The following KRT79 variants were observed in gnomAD, a reference collection of about 807,000 sequenced individuals.
KRT79 encodes keratin, type II cytoskeletal 79.
In KRT79, 51 loss-of-function variants were observed where a neutral mutation model predicts 49.0. The ratio of observed to expected loss-of-function variants is 1.04; its 90% CI spans 0.83 to 1.31. KRT79 has a LOEUF of 1.31. Ranked by LOEUF, KRT79 falls within the 40% of genes most tolerant of loss-of-function variation. The probability of loss-of-function intolerance (pLI) is 0.00; values close to 1 mark genes in which losing one functional copy is unlikely to be tolerated. For synonymous variants in KRT79, 312 were observed against 286.6 expected (o/e 1.09, Z -0.90); for missense variants, 728 against 688.0 (o/e 1.06, Z -0.65).
chr12:52,824,453 CAGG>C (rs1592316657), intron 4 of KRT79, 91 bp from the exon 5 acceptor site: 2 of 1,335,566 alleles, frequency 1.5e-6, no homozygotes, highest in East Asian at 4.8e-5. Flanking sequence ...CAGGTAGCAT[CAGG>C]AGGCCTGTGC....
rs1269395247 is a variant in KRT79 at position 52,823,096 on chromosome 12, G to A, written c.1287C>T (p.Tyr429=). 1 of 1,614,016 alleles carries A rather than the reference G, an allele frequency of 6.2e-7. No individual in the cohort carries two copies. Among genetic ancestry groups the A allele is most frequent in the East Asian group, 2.2e-5 (1 of 44,886 alleles). ...KEDLTRLLRD[Y]QELMNVKLAL... ...CCAGCTTGACATTCATCAGCTCCTG[G>A]TAGTCACGCAGCAGCCGTGTCAGGT... The change falls in exon 7 of 9, where the codon TAC becomes TAT. Residue 429 remains tyrosine (Y), a synonymous_variant. Coordinates refer to ENST00000330553, the MANE Select transcript of KRT79 (RefSeq NM_175834.3).
At position 52,824,321 on chromosome 12, in the gene KRT79, C is replaced by T; in HGVS notation, c.897G>A (p.Val299=). 6.2e-7 allele frequency: 1 copy of T among 1,614,194 alleles called. No individual in the cohort carries two copies. The highest frequency in any genetic ancestry group is 8.5e-7 in the Non-Finnish European group (1 of 1,180,044). ...TGCGGTTGTTGTCCATGGACAGCAC[C>T]ACATTGGTGTTAGACACGTGGGTCT... ...QVQTHVSNTN[V]VLSMDNNRNL... is the part of the protein sequence containing the mutation. Residue 299 remains valine (V), a synonymous_variant, in exon 5 of 9, where the codon GTG becomes GTA. Coordinates refer to ENST00000330553, the MANE Select transcript of KRT79 (RefSeq NM_175834.3).
chr12:52,830,203 G>A, intron 3 of KRT79, 29 bp downstream of exon 3: 6 of 1,613,870 alleles, frequency 3.7e-6, no homozygotes, highest in Non-Finnish European at 5.1e-6. Context: ...GCAGCCAAAG[G>A]ACCACCTCCC....
Position 52,822,086 on chromosome 12 carries a change from C to A in KRT79, c.1403-9G>T. On this transcript the variant is annotated splice_polypyrimidine_tract_variant and intron_variant, in intron 8 of 8. Coordinates refer to ENST00000330553, the MANE Select transcript of KRT79 (RefSeq NM_175834.3). ...GGAGTTGCCAGTCACAGCTGCAAAG[C>A]AAAGGGTCTGGATTAGTCAGGGCGG... 3.7e-6 allele frequency: 6 copies of A among 1,613,654 alleles called. No homozygotes were observed. Among genetic ancestry groups the A allele is most frequent in the Non-Finnish European group, 5.1e-6 (6 of 1,179,956 alleles).
In KRT79 at chr12:52,821,572, C is replaced by G. The variant is rs1418309376; in HGVS notation, c.*300G>C. ...TTTGGGGACCACTCCCAATTTCTCT[C>G]TCTCCTAATGGCTTGAGAAATTCAG... is the stretch of plus-strand genomic sequence containing the variant. On this transcript the variant is annotated 3_prime_UTR_variant, in exon 9 of 9. Coordinates refer to ENST00000330553, the MANE Select transcript of KRT79 (RefSeq NM_175834.3). 1.7e-5 allele frequency: 7 copies of G among 404,388 alleles called. No individual in the cohort carries two copies. Among genetic ancestry groups the G allele is most frequent in the Non-Finnish European group, 3.2e-5 (7 of 219,424 alleles). 25.0% of individuals were successfully genotyped at this position (404,388 alleles called of 1,614,324 possible).
chr12:52,830,487 A>G (rs1275348970), intron 2 of KRT79, 195 bp from the exon 3 acceptor site: 7 of 576,924 alleles, frequency 1.2e-5, no homozygotes, highest in African/African-American at 1.9e-5. Context: ...TCCCCACCCC[A>G]TTTTAGGGAA....
At chr12:52,828,155 A>T (rs1184102927) in intron 4 of KRT79, among the ~76,000 whole-genome samples, 1 of 152,256 alleles carries the variant, frequency 6.6e-6, no homozygotes, top group Non-Finnish European at 1.5e-5. Context: ...AAGTGGAACC[A>T]AGTGGATTTC....
rs1036700397 is a variant in KRT79, at chr12:52,831,304, C to T, written c.698+102G>A. 127 of 1,081,470 alleles carry T rather than the reference C, an allele frequency of 1.2e-4. 1 individual carries two copies. In the South Asian group the frequency reaches 1.6e-3, roughly 13 times the overall value. The allele number at this position is 1,081,470 out of a possible 1,614,324, so 67.0% of individuals were successfully genotyped here. A position where few individuals can be genotyped will look rare whatever the true frequency, so the allele number is the denominator to read the frequency against. On this transcript the variant is annotated intron_variant, in intron 2 of 8. Coordinates refer to ENST00000330553, the MANE Select transcript of KRT79 (RefSeq NM_175834.3). ...GGGAGCCAGCTCTGTCTGTGCATCC[C>T]CCAGGTGGGCCTGGGACCCTGGGAA...
chr12:52,828,789 G>A (rs1940209669), intron 4 of KRT79, among the ~76,000 whole-genome samples: 1 of 152,210 alleles, frequency 6.6e-6, no homozygotes, highest in African/African-American at 2.4e-5. Context: ...ATAGAAGTTT[G>A]TATCTGGAAC....
At chr12:52,826,716 A>C (rs1940180878) in intron 4 of KRT79, among the ~76,000 whole-genome samples, 1 of 152,108 alleles carries the variant, frequency 6.6e-6, no homozygotes, top group African/African-American at 2.4e-5. Flanking sequence ...TGGGTTCCAC[A>C]GATGCCCCAG....
rs145254924 is a variant in KRT79 at position 52,824,761 on chromosome 12, C to T, written c.856-399G>A. Among the ~76,000 whole-genome samples the T allele has an allele frequency of 5.4e-4, 82 of 152,248 alleles. No individual in the cohort carries two copies. The East Asian group carries it at 0.015, about 28-fold the overall frequency. ...TTTGTGCAAATTGGGGAAAGACACC[C>T]CTTCAGGTGGAAACAGCATGTCCAG... On this transcript the variant is annotated intron_variant, in intron 4 of 8. Transcript: ENST00000330553.
rs755319583 is a variant in KRT79, at chr12:52,834,060, G to GC, written c.200dup (p.His68ProfsTer65). 5.1e-5 allele frequency: 83 copies of GC among 1,613,622 alleles called. 1 individual carries two copies. The South Asian group carries it at 7.8e-4, about 15-fold the overall frequency. ...CCACACTGACAGAGATACTCTTGTG[G>GC]CCCCCCAAGTTATAGAGGCTTCGGC... On this transcript the variant is annotated frameshift_variant, in exon 1 of 9. Coordinates refer to ENST00000330553, the MANE Select transcript of KRT79 (RefSeq NM_175834.3). LOFTEE classifies it high-confidence loss of function.
chr12:52,821,956 G>A lies in KRT79; in HGVS notation c.1524C>T (p.Ser508=), dbSNP rs1357426084. Residue 508 remains serine (S), a synonymous_variant, in exon 9 of 9, where the codon AGC becomes AGT. Transcript: ENST00000330553. ...CAGAGACTGGCCCTCCCTTGACGGT[G>A]CTATAGCCCACATTTGTGCTGAATC... ...KGGFSTNVGY[S]TVKGGPVSAG... 6.2e-7 allele frequency: 1 copy of A among 1,614,192 alleles called. No individual in the cohort carries two copies. Among genetic ancestry groups the A allele is most frequent in the Non-Finnish European group, 8.5e-7 (1 of 1,180,030 alleles).
chr12:52,833,701 C>T, intron 1 of KRT79, 83 bp downstream of exon 1: 2 of 1,104,164 alleles, frequency 1.8e-6, no homozygotes, highest in South Asian at 1.3e-5. Flanking sequence ...AAGTGGGCTA[C>T]AGCAGCCCTG....
chr12:52,827,267 C>G (rs1051685632), intron 4 of KRT79, among the ~76,000 whole-genome samples: 2 of 152,252 alleles, frequency 1.3e-5, no homozygotes, highest in African/African-American at 4.8e-5. Flanking sequence ...GCCTGTCCCC[C>G]ACAGCTCTCA....
intron 4 of KRT79, among the ~76,000 whole-genome samples, chr12:52,826,871 G>T (rs1461324851): frequency 1.3e-5 from 2 of 152,166 alleles, no homozygotes; most frequent in African/African-American, 4.8e-5. Context: ...CTGGTTCCGT[G>T]ACTGATCGAG....
In KRT79 at chr12:52,824,372, C is replaced by A; in HGVS notation, c.856-10G>T. ...GCACTTGGCTCAGCTCCTGAAGAATCAGAGACAGCTGCCACCAGCACCCCT... is the reference window on the plus strand; with the variant it reads ...GCACTTGGCTCAGCTCCTGAAGAATAAGAGACAGCTGCCACCAGCACCCCT... On this transcript the variant is annotated splice_polypyrimidine_tract_variant and intron_variant, in intron 4 of 8. Coordinates refer to ENST00000330553, the MANE Select transcript of KRT79 (RefSeq NM_175834.3). 1 of 1,612,418 alleles carries A rather than the reference C, an allele frequency of 6.2e-7. No individual in the cohort carries two copies. The highest frequency in any genetic ancestry group is 8.5e-7 in the Non-Finnish European group (1 of 1,178,844).
At position 52,824,196 on chromosome 12, in the gene KRT79, A is replaced by G. The variant is rs748990648; in HGVS notation, c.1020+2T>C. 6.2e-7 allele frequency: 1 copy of G among 1,614,096 alleles called. No individual in the cohort carries two copies. Among genetic ancestry groups the G allele is most frequent in the Admixed American group, 1.7e-5 (1 of 60,018 alleles). On this transcript the variant is annotated splice_donor_variant, in intron 5 of 8. Coordinates refer to ENST00000330553, the MANE Select transcript of KRT79 (RefSeq NM_175834.3). LOFTEE classifies it high-confidence loss of function. ...CACACCTGAGCCAGCTATGCCTCTCACCTTGGTCTGGTACCAGGCCTCGGC... is the reference window on the plus strand; with the variant it reads ...CACACCTGAGCCAGCTATGCCTCTCGCCTTGGTCTGGTACCAGGCCTCGGC...
intron 6 of KRT79, among the ~76,000 whole-genome samples, chr12:52,823,467 C>T (rs1267680507): frequency 6.6e-6 from 1 of 152,224 alleles, no homozygotes; most frequent in Non-Finnish European, 1.5e-5. Flanking sequence ...TGCAGATCAG[C>T]CCAATGCCTC....
Sources: gnomAD v4.1 joint callset for allele counts (sites outside exome capture counted in the v4.1 genomes callset) on GRCh38, gnomAD v4.1.1 for gene constraint, MANE v1.5 for transcripts, NCBI Gene and HGNC (gene_info 2026-07-23, HGNC 2026-07-21) for gene names.